CELF2: variants seen among roughly 807,000 people sequenced by gnomAD.
CELF2 encodes the protein CUGBP Elav-like family member 2.
A neutral mutation model predicts 62.6 loss-of-function variants in CELF2; 8 were observed. The ratio of observed to expected loss-of-function variants is 0.13; its 90% confidence interval spans 0.07 to 0.23. The LOEUF (loss-of-function observed/expected upper bound fraction) is 0.23. Among genes scored for constraint, CELF2 ranks in the 10% least tolerant of loss-of-function variants. The pLI, the probability that CELF2 is intolerant of heterozygous loss-of-function variation, is 1.00. For synonymous variants in CELF2, 258 were observed against 250.0 expected, an observed-to-expected ratio of 1.03 and a Z score of -0.30; for missense variants, 333 against 671.0, an observed-to-expected ratio of 0.50 and a Z score of 5.56.
In CELF2 at chr10:11,207,004, A is replaced by C. The variant is rs767636820; in HGVS notation, c.272-10421A>C. On this transcript the variant is annotated intron_variant, in intron 2 of 12. Coordinates refer to ENST00000633077, the MANE Select transcript of CELF2 (RefSeq NM_001326342.2). This position sits in a 1 kb window ranked among gnomAD's most constrained non-coding sequence, Gnocchi z 4.1. ...AAAGGATGATGCTGAAATTCTTCCAATGCTTTCATAGCTATTAGACAATTG... is the reference window on the plus strand; with the variant it reads ...AAAGGATGATGCTGAAATTCTTCCACTGCTTTCATAGCTATTAGACAATTG... Among the ~76,000 whole-genome samples, 3 of 152,232 alleles carry C rather than the reference A, an allele frequency of 2.0e-5. No homozygotes were observed. The highest frequency in any genetic ancestry group is 4.4e-5 in the Non-Finnish European group (3 of 68,042).
intron 1 of CELF2, among the ~76,000 whole-genome samples, chr10:10,841,549 T>A (rs941972867): frequency 6.6e-6 from 1 of 151,594 alleles, no homozygotes; most frequent in African/African-American, 2.4e-5. Flanking sequence ...TTTGCATCTT[T>A]TTTTTTTTTA....
chr10:10,831,898 G>C (rs2057889690), intron 1 of CELF2, among the ~76,000 whole-genome samples: 1 of 152,136 alleles, frequency 6.6e-6, no homozygotes, highest in Non-Finnish European at 1.5e-5. Context: ...CTTGGACCCG[G>C]GAGGCGGAGG....
chr10:10,966,065 C>T (rs1387005771), intron 2 of CELF2, among the ~76,000 whole-genome samples: 1 of 152,234 alleles, frequency 6.6e-6, no homozygotes, highest in Non-Finnish European at 1.5e-5. Flanking sequence ...TTACTGCTAT[C>T]CAGCACCACC....
In CELF2 at chr10:11,311,158, C is replaced by A. The variant is rs781380462; in HGVS notation, c.977-2981C>A. On this transcript the variant is annotated intron_variant, in intron 9 of 12. Transcript: ENST00000633077. The surrounding 1 kb of genome is among the most constrained non-coding windows in gnomAD (Gnocchi z 4.7). Reference sequence around the variant, plus strand: ...AAAAATACTCCCCACTAGAAAACTACAAGGAAAACTGACTATCTCAAAACA... The same window carrying A: ...AAAAATACTCCCCACTAGAAAACTAAAAGGAAAACTGACTATCTCAAAACA... Among the ~76,000 whole-genome samples, 2 of 152,186 alleles carry A rather than the reference C, an allele frequency of 1.3e-5. No individual in the cohort carries two copies. The highest frequency in any genetic ancestry group is 2.9e-5 in the Non-Finnish European group (2 of 68,026).
At chr10:11,055,786 G>A (rs1206095412) in intron 1 of CELF2, among the ~76,000 whole-genome samples, 1 of 152,178 alleles carries the variant, frequency 6.6e-6, no homozygotes, top group East Asian at 1.9e-4. Flanking sequence ...TTACATGTGA[G>A]TCTTTTCTTC....
At chr10:10,604,125 G>A in the CELF2 span, among the ~76,000 whole-genome samples, 142 of 152,284 alleles carry the variant, frequency 9.3e-4, no homozygotes, top group Non-Finnish European at 1.5e-3. Flanking sequence ...CACAAGAATC[G>A]CTTGAACCTG....
At chr10:10,880,336 A>C (rs896605508) in intron 1 of CELF2, among the ~76,000 whole-genome samples, 1 of 152,130 alleles carries the variant, frequency 6.6e-6, no homozygotes, top group African/African-American at 2.4e-5. Context: ...GCTGTCCTTG[A>C]ACTTGCAAGT....
intron 1 of CELF2, among the ~76,000 whole-genome samples, chr10:10,857,649 G>GTTTA (rs1554855649): frequency 0.11 from 10,085 of 94,156 alleles, 604 homozygotes; most frequent in Non-Finnish European, 0.14. Flanking sequence ...CATATATATA[G>GTTTA]TATATATATA....
the CELF2 span, among the ~76,000 whole-genome samples, chr10:10,523,602 T>A: frequency 2.0e-5 from 3 of 152,200 alleles, no homozygotes; most frequent in Admixed American, 2.0e-4. Context: ...AAATTAGAAG[T>A]AAGTTGATCC....
At position 10,941,730 on chromosome 10, in the gene CELF2, ATGC is replaced by A. The variant is rs964343220; in HGVS notation, c.89+21732_89+21734del. 1.2e-4 allele frequency among the ~76,000 whole-genome samples: 18 copies of A among 152,242 alleles called. 1 individual carries two copies. Among genetic ancestry groups the A allele is most frequent in the African/African-American group, 4.3e-4 (18 of 41,468 alleles). On this transcript the variant is annotated intron_variant, in intron 2 of 13. Transcript: ENST00000636488. ...AAAAGTTGACCAGGCGCAGTGGCTC[ATGC>A]CTATAATCCCAGCACATTGGGAGAC... is the stretch of plus-strand genomic sequence containing the variant.
At chr10:10,590,581 C>T in the CELF2 span, among the ~76,000 whole-genome samples, 2 of 152,174 alleles carry the variant, frequency 1.3e-5, no homozygotes, top group African/African-American at 4.8e-5. Flanking sequence ...TACCACCAGC[C>T]ACGAAGGTAC....
the CELF2 span, among the ~76,000 whole-genome samples, chr10:10,604,501 G>A: frequency 6.6e-6 from 1 of 152,210 alleles, no homozygotes; most frequent in Non-Finnish European, 1.5e-5. Flanking sequence ...GCTATGGTGA[G>A]TAAGCCAAGA....
In CELF2 at chr10:11,110,398, G is replaced by A. The variant is rs572574458; in HGVS notation, c.75-55088G>A. On this transcript the variant is annotated intron_variant, in intron 1 of 12. Coordinates refer to ENST00000633077, the MANE Select transcript of CELF2 (RefSeq NM_001326342.2). This position sits in a 1 kb window ranked among gnomAD's most constrained non-coding sequence, Gnocchi z 4.0. ...GAGTGGAACAGAAAAAATGTGAAAC[G>A]ATGAAGTTTTAGGAAGCCATCTAAC... 5.3e-5 allele frequency among the ~76,000 whole-genome samples: 8 copies of A among 152,314 alleles called. No homozygotes were observed. In the South Asian group the frequency reaches 8.3e-4, roughly 16 times the overall value.
chr10:10,872,399 A>G (rs555489674), intron 1 of CELF2, among the ~76,000 whole-genome samples: 1 of 152,360 alleles, frequency 6.6e-6, no homozygotes, highest in Admixed American at 6.5e-5. Context: ...TCACTGCTGA[A>G]GTTCAAAGAA....
chr10:10,765,187 A>T, the CELF2 span, among the ~76,000 whole-genome samples: 2 of 152,064 alleles, frequency 1.3e-5, no homozygotes, highest in Non-Finnish European at 2.9e-5. Context: ...CCCATTTCCC[A>T]CTGGTCCCAT....
At chr10:10,909,176 A>G (rs191781165) in intron 1 of CELF2, among the ~76,000 whole-genome samples, 123 of 152,226 alleles carry the variant, frequency 8.1e-4, no homozygotes, top group African/African-American at 2.9e-3. Context: ...AGGCCCAGGG[A>G]GAGGGAGGTC....
the CELF2 span, among the ~76,000 whole-genome samples, chr10:10,749,351 G>A: frequency 6.6e-6 from 1 of 152,080 alleles, no homozygotes; most frequent in African/African-American, 2.4e-5. Context: ...TACAGCATGG[G>A]GAACAAGCTG....
the CELF2 span, chr10:10,786,677 G>T: frequency 1.3e-5 from 2 of 152,170 alleles, no homozygotes; most frequent in Non-Finnish European, 2.9e-5. Flanking sequence ...GAAGTAGAGA[G>T]GGGGATGAAG....
At position 11,287,405 on chromosome 10, in the gene CELF2, T is replaced by G. The variant is rs190433036; in HGVS notation, c.842-1013T>G. 3.6e-3 allele frequency among the ~76,000 whole-genome samples: 551 copies of G among 152,330 alleles called. 4 individuals are homozygous for G. The highest frequency in any genetic ancestry group is 6.1e-3 in the Non-Finnish European group (414 of 68,028). ...CTACAGGGAGAAAAGATAGTTAAAC[T>G]AACTATCCGGTGTAGACACCAGGGC... On this transcript the variant is annotated intron_variant, in intron 8 of 12. Coordinates refer to ENST00000633077, the MANE Select transcript of CELF2 (RefSeq NM_001326342.2).
Sources: allele counts gnomAD v4.1 joint callset (sites outside exome capture counted in the v4.1 genomes callset), GRCh38; gene constraint gnomAD v4.1.1; non-coding constraint Gnocchi (gnomAD v3.1); transcripts MANE v1.5; gene names NCBI Gene and HGNC (gene_info 2026-07-23, HGNC 2026-07-21).